Variants in PRP4K observed in about 807,000 individuals in gnomAD.
PRP4K encodes pre-mRNA processing factor kinase PRP4K.
chr6:4,058,641 CT>C, the PRP4K span: 7 of 945,400 alleles, frequency 7.4e-6, no homozygotes, highest in Admixed American at 1.5e-4. Flanking sequence ...AAATAACATA[CT>C]TATTTGACTT....
At chr6:4,037,464 T>C in the PRP4K span, 3 of 1,614,112 alleles carry the variant, frequency 1.9e-6, no homozygotes, top group South Asian at 3.3e-5. Flanking sequence ...CATCAATAGA[T>C]GGTCTCCAAC....
At chr6:4,060,718 A>G in the PRP4K span, 4 of 1,062,762 alleles carry the variant, frequency 3.8e-6, no homozygotes, top group African/African-American at 4.8e-5. This position sits in a 1 kb window ranked among gnomAD's most constrained non-coding sequence, Gnocchi z 4.7. Context: ...TCTCCAGCAA[A>G]TTTGAGGAAG....
At chr6:4,049,625 CAAA>C in the PRP4K span, 2 of 1,157,614 alleles carry the variant, frequency 1.7e-6, no homozygotes, top group Non-Finnish European at 2.4e-6. Context: ...TCTAGGAAAC[CAAA>C]TAGTAGAGAT....
the PRP4K span, chr6:4,047,059 A>G: frequency 2.6e-6 from 2 of 767,640 alleles, no homozygotes; most frequent in Non-Finnish European, 2.3e-6. Context: ...CTGTTGGGAA[A>G]CTGATGTGCA....
At chr6:4,021,326 G>C in the PRP4K span, 1 of 1,494,662 alleles carries the variant, frequency 6.7e-7, no homozygotes, top group Non-Finnish European at 9.1e-7. Context: ...CTACACGGTC[G>C]GCACATGCGC....
At chr6:4,041,565 T>C in the PRP4K span, among the ~76,000 whole-genome samples, 4 of 151,948 alleles carry the variant, frequency 2.6e-5, no homozygotes, top group African/African-American at 9.7e-5. Flanking sequence ...AAAACAAAAA[T>C]AAATAAAATG....
At chr6:4,028,906 G>T in the PRP4K span, among the ~76,000 whole-genome samples, 4 of 151,888 alleles carry the variant, frequency 2.6e-5, no homozygotes, top group Non-Finnish European at 5.9e-5. Flanking sequence ...TACTTTTGCA[G>T]TTCCTGGGCC....
At chr6:4,050,476 T>G in the PRP4K span, 2 of 277,386 alleles carry the variant, frequency 7.2e-6, no homozygotes, top group Non-Finnish European at 1.3e-5. Flanking sequence ...TTGTCTGTCT[T>G]ATGCCGTCCT....
At chr6:4,048,915 T>C in the PRP4K span, 2 of 695,718 alleles carry the variant, frequency 2.9e-6, no homozygotes, top group Non-Finnish European at 4.6e-6. Flanking sequence ...ATAAAATGCT[T>C]TTATTAAATT....
the PRP4K span, among the ~76,000 whole-genome samples, chr6:4,035,197 A>C: frequency 1.3e-5 from 2 of 148,340 alleles, no homozygotes; most frequent in Non-Finnish European, 3.0e-5. Context: ...GCTCACTGCA[A>C]CCTCTGCCTC....
chr6:4,052,936 T>C, the PRP4K span: 2 of 1,414,852 alleles, frequency 1.4e-6, no homozygotes. Flanking sequence ...TTACTAGCAG[T>C]AATATTATTA....
chr6:4,050,576 G>A, the PRP4K span: 1 of 165,234 alleles, frequency 6.1e-6, no homozygotes, highest in South Asian at 1.8e-4. Flanking sequence ...AAATTTATCA[G>A]AGTGATGAGA....
At chr6:4,044,216 C>A in the PRP4K span, 6 of 590,576 alleles carry the variant, frequency 1.0e-5, no homozygotes, top group African/African-American at 1.1e-4. Context: ...TATTAGTTCA[C>A]ATATCCTGAA....
the PRP4K span, chr6:4,063,142 A>T: frequency 6.6e-6 from 1 of 152,324 alleles, no homozygotes; most frequent in Admixed American, 6.6e-5. Context: ...TAAAAGATTT[A>T]TTAAAAAACA....
the PRP4K span, among the ~76,000 whole-genome samples, chr6:4,038,775 C>G: frequency 1.3e-5 from 2 of 151,998 alleles, no homozygotes; most frequent in Admixed American, 1.3e-4. Flanking sequence ...GCTTTTTTCT[C>G]TCTTCCCTTT....
At chr6:4,035,780 C>G in the PRP4K span, among the ~76,000 whole-genome samples, 1 of 151,970 alleles carries the variant, frequency 6.6e-6, no homozygotes, top group African/African-American at 2.4e-5. Context: ...CTAGCTTGAC[C>G]GACATGGAGA....
the PRP4K span, among the ~76,000 whole-genome samples, chr6:4,054,523 T>A: frequency 6.6e-6 from 1 of 152,214 alleles, no homozygotes; most frequent in Non-Finnish European, 1.5e-5. Flanking sequence ...CAGTTTTTTT[T>A]ATGAGACACA....
At chr6:4,050,946 G>A in the PRP4K span, among the ~76,000 whole-genome samples, 1 of 152,244 alleles carries the variant, frequency 6.6e-6, no homozygotes, top group African/African-American at 2.4e-5. Context: ...CTGTCACCCA[G>A]GCTGGAGTGC....
the PRP4K span, among the ~76,000 whole-genome samples, chr6:4,028,667 T>C: frequency 5.9e-5 from 9 of 152,240 alleles, no homozygotes; most frequent in Non-Finnish European, 1.3e-4. Flanking sequence ...GGACGTAGCT[T>C]CTTCTGCACA....
Sources: allele counts gnomAD v4.1 joint callset (sites outside exome capture counted in the v4.1 genomes callset), GRCh38; gene constraint gnomAD v4.1.1; non-coding constraint Gnocchi (gnomAD v3.1); transcripts MANE v1.5; gene names NCBI Gene and HGNC (gene_info 2026-07-23, HGNC 2026-07-21).